Variants in RGS22 observed in about 807,000 individuals in gnomAD.
RGS22 encodes the protein regulator of G-protein signaling 22.
RGS22 carries 148 observed loss-of-function variants against 172.9 expected under a neutral mutation model. The ratio of observed to expected loss-of-function variants is 0.86; its 90% confidence interval spans 0.75 to 0.98. The LOEUF is 0.98. Among genes scored for constraint, RGS22 ranks in the 50% least tolerant of loss-of-function variants. The pLI is 0.00. For missense variants in RGS22, 1,347 were observed against 1,440.8 expected (o/e 0.93, Z 1.05); for synonymous variants, 458 against 480.2 (o/e 0.95, Z 0.60).
chr8:99,988,151 AT>A (rs1365183928), intron 20 of RGS22, among the ~76,000 whole-genome samples: 4 of 151,480 alleles, frequency 2.6e-5, no homozygotes, highest in African/African-American at 9.7e-5. Context: ...AAAATATTAT[AT>A]TTTTAGATGA....
At chr8:100,076,947 C>T (rs1215753402) in intron 4 of RGS22, among the ~76,000 whole-genome samples, 3 of 152,032 alleles carry the variant, frequency 2.0e-5, no homozygotes, top group East Asian at 1.9e-4. Flanking sequence ...GAGCTGAGAT[C>T]GCCCCACTGC....
At chr8:100,103,187 G>A (rs1297309691) in intron 2 of RGS22, among the ~76,000 whole-genome samples, 1 of 152,222 alleles carries the variant, frequency 6.6e-6, no homozygotes, top group Non-Finnish European at 1.5e-5. Flanking sequence ...GGAATAGGAA[G>A]TAATCTAATA....
chr8:100,009,799 A>G (rs1228379935), intron 14 of RGS22, among the ~76,000 whole-genome samples: 2 of 152,206 alleles, frequency 1.3e-5, no homozygotes, highest in Non-Finnish European at 2.9e-5. Flanking sequence ...TAAAGGGTCC[A>G]TGTTAACAAC....
At chr8:100,075,860 A>C (rs751215418) in intron 4 of RGS22, among the ~76,000 whole-genome samples, 30 of 152,284 alleles carry the variant, frequency 2.0e-4, no homozygotes, top group Non-Finnish European at 4.0e-4. Flanking sequence ...TGAAGGTTCT[A>C]ATCACTTCAA....
chr8:100,007,156 A>G (rs967396434), intron 15 of RGS22, among the ~76,000 whole-genome samples: 3 of 152,200 alleles, frequency 2.0e-5, no homozygotes, highest in African/African-American at 4.8e-5. Context: ...TCACGATCCA[A>G]TAAGGTAACT....
intron 23 of RGS22, among the ~76,000 whole-genome samples, chr8:99,975,111 A>T (rs1054799722): frequency 1.3e-5 from 2 of 152,050 alleles, no homozygotes; most frequent in African/African-American, 4.8e-5. Flanking sequence ...ACGCCATGGC[A>T]GTCTAGCCTG....
At chr8:100,018,875 GACTT>G (rs1817299334) in intron 14 of RGS22, among the ~76,000 whole-genome samples, 1 of 151,768 alleles carries the variant, frequency 6.6e-6, no homozygotes. Context: ...ATGCATGCCA[GACTT>G]ACTTTTCCCA....
chr8:99,985,619 A>G (rs1813013187), intron 21 of RGS22, among the ~76,000 whole-genome samples: 1 of 152,170 alleles, frequency 6.6e-6, no homozygotes, highest in African/African-American at 2.4e-5. Context: ...TAGCATAATA[A>G]CATTTGATAC....
chr8:99,988,701 C>T (rs1455972818), intron 20 of RGS22, among the ~76,000 whole-genome samples: 1 of 152,132 alleles, frequency 6.6e-6, no homozygotes. Context: ...AAAACCTTTA[C>T]AGAGAAGGGC....
At position 100,019,985 on chromosome 8, in the gene RGS22, A is replaced by G. The variant is rs1486298523; in HGVS notation, c.2167-11416T>C. Among the ~76,000 whole-genome samples, 3 of 151,316 alleles carry G rather than the reference A, an allele frequency of 2.0e-5. No individual in the cohort carries two copies. The East Asian group carries it at 5.8e-4, about 29-fold the overall frequency. On this transcript the variant is annotated intron_variant, in intron 14 of 27. Transcript: ENST00000360863. ...CCGCAACCTCCGTCTCCCAGGTTCA[A>G]GCAATTCTCCTGCCTCAGCCTCCTG...
chr8:100,027,318 GTGAGAC>G (rs1818289451), intron 14 of RGS22, among the ~76,000 whole-genome samples: 1 of 152,128 alleles, frequency 6.6e-6, no homozygotes, highest in East Asian at 1.9e-4. Flanking sequence ...CCACTAGAGA[GTGAGAC>G]TTCTAAGTCA....
rs139063368 is a variant in RGS22, at chr8:100,038,945, A to G, written c.2152T>C (p.Cys718Arg). ...YQETLQPFKV[C>R]KQAQYLFATY... ...TTACTACGTACTTGCGCTTGCTTGCATACTTTAAAAGGCTGAAGTGTTTCT... is the reference window on the plus strand; with the variant it reads ...TTACTACGTACTTGCGCTTGCTTGCGTACTTTAAAAGGCTGAAGTGTTTCT... Residue 718 changes from cysteine (C) to arginine (R), a missense_variant, in exon 14 of 28, where the codon TGC becomes CGC. Transcript: ENST00000360863. 565 of 1,610,304 alleles carry G rather than the reference A, an allele frequency of 3.5e-4. 3 individuals are homozygous for G. The African/African-American group carries it at 5.9e-3, about 17-fold the overall frequency.
At chr8:100,036,881 G>A (rs184265534) in intron 14 of RGS22, among the ~76,000 whole-genome samples, 1 of 152,152 alleles carries the variant, frequency 6.6e-6, no homozygotes, top group Non-Finnish European at 1.5e-5. Flanking sequence ...TTACAGGCAT[G>A]AGCTAACACG....
At chr8:100,072,008 G>T in intron 5 of RGS22, 137 bp downstream of exon 5, 1 of 569,256 alleles carries the variant, frequency 1.8e-6, no homozygotes, top group Non-Finnish European at 3.0e-6. Flanking sequence ...ACCAGCCTGG[G>T]CAATATAGCA....
chr8:99,965,025 A>AT (rs1810581565), intron 24 of RGS22, among the ~76,000 whole-genome samples: 1 of 152,208 alleles, frequency 6.6e-6, no homozygotes, highest in Non-Finnish European at 1.5e-5. Context: ...AACATCCTAT[A>AT]TATATTCCAT....
At chr8:100,083,729 T>C (rs988687342) in intron 3 of RGS22, among the ~76,000 whole-genome samples, 1 of 151,980 alleles carries the variant, frequency 6.6e-6, no homozygotes, top group Non-Finnish European at 1.5e-5. Context: ...AATGAACTCT[T>C]CATGGCTTTA....
At chr8:100,027,928 T>C (rs1269052883) in intron 14 of RGS22, among the ~76,000 whole-genome samples, 3 of 152,140 alleles carry the variant, frequency 2.0e-5, no homozygotes, top group Admixed American at 6.5e-5. Context: ...TTCCATTGAG[T>C]GCTCTGTACT....
intron 24 of RGS22, among the ~76,000 whole-genome samples, chr8:99,964,689 A>G (rs1810552161): frequency 6.6e-6 from 1 of 152,182 alleles, no homozygotes; most frequent in East Asian, 1.9e-4. Flanking sequence ...TTCTCTCAAT[A>G]ATAGCTTCAT....
intron 14 of RGS22, among the ~76,000 whole-genome samples, chr8:100,026,768 G>A (rs1284652682): frequency 6.6e-6 from 1 of 152,116 alleles, no homozygotes. Flanking sequence ...GTCCTAAGAA[G>A]CATAAGACTA....
Sources: gnomAD v4.1 joint callset for allele counts (sites outside exome capture counted in the v4.1 genomes callset) on GRCh38, gnomAD v4.1.1 for gene constraint, MANE v1.5 for transcripts, NCBI Gene and HGNC (gene_info 2026-07-23, HGNC 2026-07-21) for gene names.